The following PSMD6 variants were observed in gnomAD, a reference collection of about 807,000 sequenced individuals.
PSMD6 encodes proteasome 26S subunit, non-ATPase 6.
Under a neutral mutation model 44.9 loss-of-function variants are expected in PSMD6, and 7 were observed. The observed-to-expected ratio is 0.16, with a 90% CI of 0.09 to 0.29. PSMD6 has a LOEUF of 0.29. Among genes scored for constraint, PSMD6 ranks in the 10% least tolerant of loss-of-function variants. The pLI, the probability that PSMD6 is intolerant of heterozygous loss-of-function variation, is 1.00. For synonymous variants in PSMD6, 184 were observed against 172.7 expected, an observed-to-expected ratio of 1.07 and a Z score of -0.51; for missense variants, 420 against 482.6, an observed-to-expected ratio of 0.87 and a Z score of 1.21.
At chr3:64,020,433 G>A (rs2076111628) in intron 2 of PSMD6, among the ~76,000 whole-genome samples, 1 of 152,256 alleles carries the variant, frequency 6.6e-6, no homozygotes, top group Admixed American at 6.5e-5. Flanking sequence ...TCCTGATACT[G>A]ATTCAAGCAT....
rs2075996802 is a variant in PSMD6, at chr3:64,013,626, C to CAA, written c.827-21_827-20dup. ...ACAACCGCTGCAATGAATAAAATGA[C>CAA]AAATTATAATAGACTCTCCGTTTCA... On this transcript the variant is annotated intron_variant, in intron 5 of 7. Transcript: ENST00000295901. 2 of 1,593,490 alleles carry CAA rather than the reference C, an allele frequency of 1.3e-6. No individual in the cohort carries two copies. The highest frequency in any genetic ancestry group is 1.7e-6 in the Non-Finnish European group (2 of 1,171,210).
intron 5 of PSMD6, chr3:64,017,494 T>G (rs183108110): frequency 6.6e-6 from 1 of 152,228 alleles, no homozygotes; most frequent in Admixed American, 6.5e-5. Flanking sequence ...GGCTCCATAT[T>G]TGAGTTGAGT....
intron 5 of PSMD6, chr3:64,014,210 A>G (rs985725659): frequency 1.3e-5 from 2 of 152,210 alleles, no homozygotes; most frequent in Non-Finnish European, 2.9e-5. Flanking sequence ...CTTAGAAGAC[A>G]GTAAAATGTA....
At position 64,013,604 on chromosome 3, in the gene PSMD6, A is replaced by G; in HGVS notation, c.830T>C (p.Val277Ala). The G allele has an allele frequency of 6.2e-7, 1 of 1,600,648 alleles. No individual in the cohort carries two copies. The highest frequency in any genetic ancestry group is 2.2e-5 in the East Asian group (1 of 44,736). ...RYSVFFQSLA[V>A]VEQEMKKDWL... ...GTCCTTTTTCATTTCCTGTTCCACAACCGCTGCAATGAATAAAATGACAAA... is the reference window on the plus strand; with the variant it reads ...GTCCTTTTTCATTTCCTGTTCCACAGCCGCTGCAATGAATAAAATGACAAA... The change falls in exon 6 of 8, where the codon GTT becomes GCT. Residue 277 changes from valine to alanine, a missense_variant. This residue lies in a region of PSMD6 where 216 missense variants were observed against 227.0 expected (regional missense o/e 0.95). Coordinates refer to ENST00000295901, the MANE Select transcript of PSMD6 (RefSeq NM_014814.3).
At chr3:64,019,117 A>G in intron 3 of PSMD6, 80 bp from the exon 4 acceptor site, 1 of 1,441,678 alleles carries the variant, frequency 6.9e-7, no homozygotes, top group African/African-American at 1.4e-5. Flanking sequence ...ATTTGAAATG[A>G]GAAAACAACT....
At chr3:64,015,886 G>T (rs2076035491) in intron 5 of PSMD6, 1 of 151,986 alleles carries the variant, frequency 6.6e-6, no homozygotes, top group Non-Finnish European at 1.5e-5. Context: ...TTTTTAAAGT[G>T]CATATAATAA....
chr3:64,016,504 A>G (rs1449170743), intron 5 of PSMD6: 1 of 152,168 alleles, frequency 6.6e-6, no homozygotes, highest in Non-Finnish European at 1.5e-5. Context: ...CTAGTTAGCA[A>G]AGGAGGCAAA....
chr3:64,021,323 T>C (rs1186910074), intron 2 of PSMD6, among the ~76,000 whole-genome samples: 3 of 152,154 alleles, frequency 2.0e-5, no homozygotes, highest in African/African-American at 7.2e-5. Flanking sequence ...TTTATGTATG[T>C]TGGCATGGAA....
chr3:64,023,619 G>A (rs976526214), upstream of PSMD6: 6 of 1,417,058 alleles, frequency 4.2e-6, no homozygotes, highest in African/African-American at 8.8e-5. Flanking sequence ...GTGGTCACGG[G>A]GGCTTTTCCA....
chr3:64,023,166 G>A, intron 1 of PSMD6, 109 bp downstream of exon 1: 1 of 1,429,440 alleles, frequency 7.0e-7, no homozygotes, highest in Non-Finnish European at 9.1e-7. Flanking sequence ...TGGTCTCTGA[G>A]ACCCCGTCAG....
At chr3:64,019,646 A>C (rs540538326) in intron 2 of PSMD6, 142 of 473,748 alleles carry the variant, frequency 3.0e-4, no homozygotes, top group Non-Finnish European at 1.8e-4. Context: ...ATAAAGTTTA[A>C]AAAATACATA....
In PSMD6 at chr3:64,023,036, C is replaced by T. The variant is rs555490053; in HGVS notation, c.145+239G>A. ...AATATTAATGCCTCACGATTCTCCC[C>T]CAAGCTGCCCTTACAGGGGAAGGCG... On this transcript the variant is annotated intron_variant, in intron 1 of 7. Coordinates refer to ENST00000295901, the MANE Select transcript of PSMD6 (RefSeq NM_014814.3). 3.7e-4 allele frequency: 529 copies of T among 1,427,760 alleles called. 2 individuals are homozygous for T. In the African/African-American group the frequency reaches 6.2e-3, roughly 17 times the overall value. 88.4% of individuals were successfully genotyped at this position (1,427,760 alleles called of 1,614,324 possible).
At chr3:64,019,755 TTC>T (rs200935115) in intron 2 of PSMD6, 1 of 237,680 alleles carries the variant, frequency 4.2e-6, no homozygotes, top group African/African-American at 2.4e-5. Context: ...ATTCAATGTT[TTC>T]TCTCATAATC....
At chr3:64,013,660 G>A in intron 5 of PSMD6, 53 bp from the exon 6 acceptor site, 2 of 1,483,574 alleles carry the variant, frequency 1.3e-6, no homozygotes, top group Non-Finnish European at 1.8e-6. Flanking sequence ...CAGATAAAAA[G>A]ATTAAAAACT....
In PSMD6 at chr3:64,023,444, C is replaced by G. The variant is rs755448982; in HGVS notation, c.-25G>C. On this transcript the variant is annotated 5_prime_UTR_variant, in exon 1 of 8. Coordinates refer to ENST00000295901, the MANE Select transcript of PSMD6 (RefSeq NM_014814.3). ...TCGCGGCGAAGGGGACAGCGGCTGA[C>G]AGGACACAACTTGGTTACGACCGGC... 1.9e-6 allele frequency: 3 copies of G among 1,571,634 alleles called. No individual in the cohort carries two copies. Among genetic ancestry groups the G allele is most frequent in the East Asian group, 2.4e-5 (1 of 41,866 alleles).
At chr3:64,022,135 G>A (rs1409042510) in intron 2 of PSMD6, among the ~76,000 whole-genome samples, 183 bp downstream of exon 2, 2 of 152,184 alleles carry the variant, frequency 1.3e-5, no homozygotes, top group African/African-American at 4.8e-5. Flanking sequence ...TTGGGGAAAT[G>A]ACAAGGCATT....
chr3:64,022,081 T>A (rs1340125784), intron 2 of PSMD6, among the ~76,000 whole-genome samples: 1 of 152,198 alleles, frequency 6.6e-6, no homozygotes, highest in African/African-American at 2.4e-5. Flanking sequence ...TACGTTTTTA[T>A]CGGCATGGGG....
chr3:64,018,749 T>G, intron 4 of PSMD6, 42 bp from the exon 5 acceptor site: 1 of 1,522,678 alleles, frequency 6.6e-7, no homozygotes, highest in Non-Finnish European at 9.0e-7. Context: ...AAATGTACAT[T>G]TTAATGATTT....
chr3:64,022,470 C>T lies in PSMD6; in HGVS notation c.199G>A (p.Val67Met), dbSNP rs769133725. The T allele has an allele frequency of 3.1e-6, 5 of 1,614,092 alleles. No individual in the cohort carries two copies. In the South Asian group the frequency reaches 3.3e-5, roughly 11 times the overall value. ...TTCTTCATTTTATTGAGTAGGTCCACGTCTATCTGCCAGTCGAGGGATTTG... is the reference window on the plus strand; with the variant it reads ...TTCTTCATTTTATTGAGTAGGTCCATGTCTATCTGCCAGTCGAGGGATTTG... Reference protein sequence around the residue: ...LCKSLDWQIDVDLLNKMKKAN... With the variant: ...LCKSLDWQIDMDLLNKMKKAN... Residue 67 changes from valine (V) to methionine (M), a missense_variant, in exon 2 of 8, where the codon GTG (valine) becomes ATG (methionine). Physicochemically the swap from Val to Met is conservative, Grantham distance 21 (BLOSUM62 1). This residue lies in a region of PSMD6 where 136 missense variants were observed against 124.2 expected (regional missense o/e 1.09). Transcript: ENST00000295901.
Sources: allele counts gnomAD v4.1 joint callset (sites outside exome capture counted in the v4.1 genomes callset), GRCh38; gene constraint gnomAD v4.1.1; regional missense constraint gnomAD v4.1.1; transcripts MANE v1.5; gene names NCBI Gene and HGNC (gene_info 2026-07-23, HGNC 2026-07-21).